The following CCPG1 variants were observed in gnomAD, a reference collection of about 807,000 sequenced individuals.
The protein encoded by CCPG1 is cell cycle progression protein 1.
Under a neutral mutation model 81.3 loss-of-function variants are expected in CCPG1, and 46 were observed. The ratio of observed to expected loss-of-function variants is 0.57; its 90% CI spans 0.45 to 0.72. CCPG1 has a LOEUF of 0.72. Among genes scored for constraint, CCPG1 ranks in the 30% least tolerant of loss-of-function variants. CCPG1 has a pLI of 0.00. For synonymous variants in CCPG1, 330 were observed against 305.2 expected (o/e 1.08, Z -0.85); for missense variants, 902 against 937.6 (o/e 0.96, Z 0.50).
chr15:55,382,716 A>G (rs1212303014), intron 3 of CCPG1, among the ~76,000 whole-genome samples: 1 of 152,018 alleles, frequency 6.6e-6, no homozygotes, highest in East Asian at 1.9e-4. Context: ...TCACCGTGTG[A>G]GCCAGGATGG....
chr15:55,385,720 GA>G lies in CCPG1; in HGVS notation c.61-7del, dbSNP rs754618696. ...AACATTTCTATATCTGACCCCTAAGGAAAAGTGATAATCTTTCAGTTATTTG... is the reference window on the plus strand; with the variant it reads ...AACATTTCTATATCTGACCCCTAAGGAAAGTGATAATCTTTCAGTTATTTG... On this transcript the variant is annotated splice_polypyrimidine_tract_variant and splice_region_variant and intron_variant, in intron 2 of 8. Coordinates refer to ENST00000442196, the MANE Select transcript of CCPG1 (RefSeq NM_001204450.2). The G allele has an allele frequency of 2.7e-6, 4 of 1,486,694 alleles. No homozygotes were observed. The highest frequency in any genetic ancestry group is 2.8e-5 in the African/African-American group (2 of 72,340). The allele number at this position is 1,486,694 out of a possible 1,614,324, so 92.1% of individuals were successfully genotyped here.
At position 55,360,560 on chromosome 15, in the gene CCPG1, C is replaced by A. The variant is rs200302866; in HGVS notation, c.1213G>T (p.Gly405Cys). The A allele has an allele frequency of 2.1e-4, 344 of 1,614,044 alleles. 1 individual carries two copies. Among genetic ancestry groups the A allele is most frequent in the Non-Finnish European group, 2.7e-4 (316 of 1,179,990 alleles). The stretch of plus-strand genomic sequence containing the variant: ...TCTGACTTGCCATGTAACTGACTAC[C>A]ACTTAACTGCTGGAGTTCCCCCCTT... ...ALRGELQQLS[G>C]SQLHGKSDSP... The change falls in exon 8 of 9, where the codon GGT becomes TGT. Residue 405 changes from glycine to cysteine, a missense_variant. Around this residue, in one of 3 missense-constraint regions of CCPG1, gnomAD observed 746 missense variants for 728.6 expected, o/e 1.02. Transcript: ENST00000442196.
intron 6 of CCPG1, 72 bp downstream of exon 6, chr15:55,371,721 C>T (rs1355498104): frequency 3.5e-6 from 5 of 1,434,168 alleles, no homozygotes. Flanking sequence ...AAACAGATCC[C>T]AAGAGTCCTC....
intron 7 of CCPG1, among the ~76,000 whole-genome samples, chr15:55,362,654 A>G (rs1330339194): frequency 6.6e-6 from 1 of 152,206 alleles, no homozygotes; most frequent in Admixed American, 6.5e-5. Context: ...ATGTTGACAT[A>G]AGTGATTGAT....
At chr15:55,377,963 G>A (rs1595841957) in intron 4 of CCPG1, among the ~76,000 whole-genome samples, 1 of 152,250 alleles carries the variant, frequency 6.6e-6, no homozygotes, top group African/African-American at 2.4e-5. Context: ...GTTTTATACA[G>A]AAGTCAAGTA....
chr15:55,378,601 T>C (rs1245657917), intron 3 of CCPG1, among the ~76,000 whole-genome samples: 1 of 144,396 alleles, frequency 6.9e-6, no homozygotes, highest in Non-Finnish European at 1.6e-5. Context: ...ATGCAATCAT[T>C]TAAGATTTTT....
intron 2 of CCPG1, among the ~76,000 whole-genome samples, chr15:55,389,068 CAAAAAAAAAAA>C (rs373917631): frequency 1.8e-5 from 1 of 56,268 alleles, no homozygotes; most frequent in Admixed American, 2.4e-4. Flanking sequence ...GACTCTGTCT[CAAAAAAAAAAA>C]AAAAAAAAAA....
intron 1 of CCPG1, among the ~76,000 whole-genome samples, chr15:55,397,112 G>C (rs985635268): frequency 1.3e-5 from 2 of 152,122 alleles, no homozygotes; most frequent in Non-Finnish European, 2.9e-5. Flanking sequence ...TACTTCGGAC[G>C]CTGAGGCAGT....
chr15:55,399,439 A>C (rs1019086436), intron 1 of CCPG1, among the ~76,000 whole-genome samples: 6 of 150,378 alleles, frequency 4.0e-5, no homozygotes, highest in Non-Finnish European at 8.9e-5. Context: ...AAAAAAAAAA[A>C]CTAGCCGGGC....
At chr15:55,375,394 G>C (rs2056544206) in intron 5 of CCPG1, among the ~76,000 whole-genome samples, 1 of 152,114 alleles carries the variant, frequency 6.6e-6, no homozygotes, top group South Asian at 2.1e-4. Flanking sequence ...GGCAGGAAAG[G>C]AAGCGGGGGT....
At chr15:55,392,454 T>C (rs2056940103) in intron 1 of CCPG1, among the ~76,000 whole-genome samples, 1 of 151,882 alleles carries the variant, frequency 6.6e-6, no homozygotes, top group Non-Finnish European at 1.5e-5. Context: ...CCTGACATCA[T>C]GATCCACCCA....
At chr15:55,403,715 GA>G (rs1338581039) in intron 1 of CCPG1, among the ~76,000 whole-genome samples, 6 of 152,140 alleles carry the variant, frequency 3.9e-5, no homozygotes, top group African/African-American at 1.4e-4. Context: ...GAACTGTCAG[GA>G]AGGAAATTTG....
At chr15:55,392,719 G>A (rs1041749416) in intron 1 of CCPG1, among the ~76,000 whole-genome samples, 3 of 152,140 alleles carry the variant, frequency 2.0e-5, no homozygotes, top group Admixed American at 6.5e-5. Context: ...GTTTTGCCAT[G>A]TTGCCCAGGT....
intron 2 of CCPG1, among the ~76,000 whole-genome samples, chr15:55,386,641 T>C (rs1371072847): frequency 5.9e-5 from 9 of 152,068 alleles, no homozygotes; most frequent in Non-Finnish European, 1.3e-4. Flanking sequence ...ACGCCTGTAA[T>C]CCCAGCACCT....
At chr15:55,388,558 A>G (rs542361895) in intron 2 of CCPG1, among the ~76,000 whole-genome samples, 2 of 152,290 alleles carry the variant, frequency 1.3e-5, no homozygotes, top group African/African-American at 4.8e-5. Flanking sequence ...TAGTTTTCTC[A>G]ACTATAAAAT....
chr15:55,388,048 G>A (rs565952796), intron 2 of CCPG1, among the ~76,000 whole-genome samples: 109 of 151,966 alleles, frequency 7.2e-4, no homozygotes, highest in Non-Finnish European at 1.2e-3. Context: ...CTACTCCAGA[G>A]GCTGAGGCAG....
At chr15:55,358,932 TTACAGAATATA>T in intron 8 of CCPG1, 1 of 966,594 alleles carries the variant, frequency 1.0e-6, no homozygotes, top group Non-Finnish European at 1.2e-6. Context: ...AAGTTTCATG[TTACAGAATATA>T]AAGATGAAAA....
intron 1 of CCPG1, among the ~76,000 whole-genome samples, chr15:55,403,901 T>C (rs1272885008): frequency 2.0e-5 from 3 of 152,202 alleles, no homozygotes; most frequent in African/African-American, 7.2e-5. Flanking sequence ...TCTTAACATG[T>C]TCAAAAACTA....
At chr15:55,403,551 C>T (rs2057164807) in intron 1 of CCPG1, among the ~76,000 whole-genome samples, 1 of 152,078 alleles carries the variant, frequency 6.6e-6, no homozygotes, top group Non-Finnish European at 1.5e-5. Context: ...GGAAAAAATC[C>T]CTTTATTTAT....
Sources: allele counts gnomAD v4.1 joint callset (sites outside exome capture counted in the v4.1 genomes callset), GRCh38; gene constraint gnomAD v4.1.1; regional missense constraint gnomAD v4.1.1; transcripts MANE v1.5; gene names NCBI Gene and HGNC (gene_info 2026-07-23, HGNC 2026-07-21).